The following UBR3 variants were observed in gnomAD, a reference collection of about 807,000 sequenced individuals.
UBR3 encodes ubiquitin protein ligase E3 component n-recognin 3, also known as E3 ubiquitin-protein ligase UBR3.
UBR3 carries 85 observed loss-of-function variants against 243.2 expected under a neutral mutation model. The ratio of observed to expected loss-of-function variants is 0.35; its 90% CI spans 0.29 to 0.42. The LOEUF is 0.42. Ranked by LOEUF, UBR3 falls within the 10% of genes least tolerant of loss-of-function variation. UBR3 has a pLI of 1.00. For missense variants in UBR3, 1,686 were observed against 2,300.8 expected (o/e 0.73, Z 5.47); for synonymous variants, 748 against 799.8 (o/e 0.94, Z 1.09).
chr2:170,012,672 GGT>G (rs1559186063), intron 29 of UBR3, among the ~76,000 whole-genome samples: 1 of 68,946 alleles, frequency 1.5e-5, no homozygotes, highest in African/African-American at 4.2e-5. Context: ...TGAAGATACT[GGT>G]TTTTTTTTTT....
intron 24 of UBR3, among the ~76,000 whole-genome samples, chr2:169,961,932 C>CCCTGT (rs1012573849): frequency 7.7e-5 from 11 of 142,362 alleles, no homozygotes; most frequent in African/African-American, 1.8e-4. Context: ...TCTGAATGAT[C>CCCTGT]CCTGTCTCCT....
intron 29 of UBR3, among the ~76,000 whole-genome samples, chr2:170,010,186 A>G (rs2090041690): frequency 6.6e-6 from 1 of 152,180 alleles, no homozygotes; most frequent in South Asian, 2.1e-4. Flanking sequence ...GAGAGTTACT[A>G]GTTACTACAT....
chr2:170,066,590 GA>G (rs2091572705), intron 35 of UBR3, among the ~76,000 whole-genome samples: 2 of 151,974 alleles, frequency 1.3e-5, no homozygotes, highest in Admixed American at 6.5e-5. Flanking sequence ...ATTTTCCCAT[GA>G]AAAAATAATG....
At chr2:169,892,059 A>G (rs1023418083) in intron 6 of UBR3, among the ~76,000 whole-genome samples, 7 of 152,204 alleles carry the variant, frequency 4.6e-5, no homozygotes, top group African/African-American at 1.2e-4. Flanking sequence ...ATCTTGTGAA[A>G]TATCTAGGAC....
At chr2:169,837,263 G>A (rs1257079306) in intron 1 of UBR3, among the ~76,000 whole-genome samples, 1 of 152,236 alleles carries the variant, frequency 6.6e-6, no homozygotes, top group Non-Finnish European at 1.5e-5. Flanking sequence ...AATCACCTGA[G>A]GTCGGGAGTT....
At chr2:170,005,199 G>A (rs1021210705) in intron 27 of UBR3, among the ~76,000 whole-genome samples, 4 of 152,210 alleles carry the variant, frequency 2.6e-5, no homozygotes, top group Non-Finnish European at 5.9e-5. Context: ...ACTCCAGTCT[G>A]GGCAATAGAG....
intron 1 of UBR3, among the ~76,000 whole-genome samples, chr2:169,846,541 C>T (rs1160772018): frequency 6.6e-6 from 1 of 152,076 alleles, no homozygotes. Context: ...GAAACTCCGT[C>T]TCTACTAAAA....
In UBR3 at chr2:169,840,513, C is replaced by T. The variant is rs188535214; in HGVS notation, c.545+12461C>T. Among the ~76,000 whole-genome samples, 3 of 152,280 alleles carry T rather than the reference C, an allele frequency of 2.0e-5. No individual in the cohort carries two copies. The East Asian group carries it at 5.8e-4, about 29-fold the overall frequency. On this transcript the variant is annotated intron_variant, in intron 1 of 38. Coordinates refer to ENST00000272793, the MANE Select transcript of UBR3 (RefSeq NM_172070.4). ...ATCAGGTACCCGTGGTTCTCCCAGG[C>T]TGGAGTTGCAGGTTGGTGACTATGT...
intron 25 of UBR3, among the ~76,000 whole-genome samples, chr2:169,990,755 G>T (rs1462277258): frequency 7.0e-6 from 1 of 142,634 alleles, no homozygotes. Context: ...ACACATAAAA[G>T]AAAAGAGAAG....
chr2:169,843,088 C>A (rs928675197), intron 1 of UBR3, among the ~76,000 whole-genome samples: 1 of 152,200 alleles, frequency 6.6e-6, no homozygotes, highest in Non-Finnish European at 1.5e-5. Flanking sequence ...CAAAACTACT[C>A]CAGCCTCTAC....
At position 169,854,844 on chromosome 2, in the gene UBR3, T is replaced by G. The variant is rs535595742; in HGVS notation, c.546-17392T>G. Among the ~76,000 whole-genome samples, 19 of 152,260 alleles carry G rather than the reference T, an allele frequency of 1.2e-4. 1 individual carries two copies. In the Middle Eastern group the frequency reaches 0.01, roughly 82 times the overall value. On this transcript the variant is annotated intron_variant, in intron 1 of 38. Transcript: ENST00000272793. ...AATAGAGAGTATTTAAGGGATTATG[T>G]GTTGAGATTAGGAAGAGGTTAAAAA...
intron 29 of UBR3, among the ~76,000 whole-genome samples, chr2:170,011,326 T>C (rs150340898): frequency 6.6e-6 from 1 of 152,162 alleles, no homozygotes; most frequent in Non-Finnish European, 1.5e-5. Flanking sequence ...GCATAACATA[T>C]AACATTCCTA....
At chr2:170,022,162 C>T (rs745316853) in intron 30 of UBR3, among the ~76,000 whole-genome samples, 46 of 152,130 alleles carry the variant, frequency 3.0e-4, no homozygotes, top group Middle Eastern at 3.2e-3. Flanking sequence ...ATCCCAAGCT[C>T]TGTCGGAAAG....
rs2091913003 is a variant in UBR3 at position 170,081,829 on chromosome 2, T to C, written c.5653T>C (p.Tyr1885His). The change falls in exon 39 of 39, where the codon TAC becomes CAC. Residue 1885 changes from tyrosine (Y) to histidine (H), a missense_variant. Physicochemically the swap from Tyr to His is moderately conservative, Grantham distance 83. This residue lies in a region of UBR3 where 89 missense variants were observed against 183.3 expected (regional missense o/e 0.49). Transcript: ENST00000272793. Reference protein sequence around the residue: ...DHINKRWGPHYNGL With the variant: ...DHINKRWGPHHNGL ...CATCAATAAAAGATGGGGTCCACAT[T>C]ACAATGGGCTGTGACTCTCCACCTC... is the stretch of plus-strand genomic sequence containing the variant. 6.3e-7 allele frequency: 1 copy of C among 1,599,362 alleles called. No individual in the cohort carries two copies. The highest frequency in any genetic ancestry group is 1.1e-5 in the South Asian group (1 of 88,872).
chr2:169,964,837 G>C (rs1416465515), intron 24 of UBR3: 1 of 456,538 alleles, frequency 2.2e-6, no homozygotes, highest in Non-Finnish European at 4.4e-6. Flanking sequence ...AGTAGCCAGG[G>C]CACAGGAAGA....
chr2:169,836,058 TATATATATA>T (rs1158266649), intron 1 of UBR3, among the ~76,000 whole-genome samples: 64 of 58,160 alleles, frequency 1.1e-3, no homozygotes, highest in East Asian at 2.2e-3. Flanking sequence ...TATATATATA[TATATATATA>T]TTTTTTTTTT....
At chr2:169,981,937 A>G (rs1209448599) in intron 24 of UBR3, among the ~76,000 whole-genome samples, 6 of 152,198 alleles carry the variant, frequency 3.9e-5, no homozygotes. Context: ...AAAATTAATG[A>G]TAGTGTGCAG....
At chr2:169,961,822 C>G (rs141872440) in intron 24 of UBR3, among the ~76,000 whole-genome samples, 1 of 150,198 alleles carries the variant, frequency 6.7e-6, no homozygotes, top group Non-Finnish European at 1.5e-5. Flanking sequence ...GCTCAATGAG[C>G]CTTTTCAGTC....
chr2:169,896,575 A>C lies in UBR3; in HGVS notation c.1305A>C (p.Glu435Asp). The C allele has an allele frequency of 6.4e-7, 1 of 1,550,654 alleles. No homozygotes were observed. The highest frequency in any genetic ancestry group is 1.2e-5 in the South Asian group (1 of 83,924). The change falls in exon 8 of 39, where the codon GAA (glutamate) becomes GAC (aspartate). Residue 435 changes from glutamate (E) to aspartate (D), a missense_variant. Physicochemically the swap from Glu to Asp is conservative, Grantham distance 45. Coordinates refer to ENST00000272793, the MANE Select transcript of UBR3 (RefSeq NM_172070.4). The stretch of plus-strand genomic sequence containing the variant: ...TGAAAACACTGAAGAAAAGTCATGA[A>C]TCAGACACAATGTCTAACAGAATTG... Reference protein sequence around the residue: ...FIMKTLKKSHESDTMSNRIVH... With the variant: ...FIMKTLKKSHDSDTMSNRIVH...
Sources: gnomAD v4.1 joint callset for allele counts (sites outside exome capture counted in the v4.1 genomes callset) on GRCh38, gnomAD v4.1.1 for gene constraint, gnomAD v4.1.1 regional missense constraint, MANE v1.5 for transcripts, NCBI Gene and HGNC (gene_info 2026-07-23, HGNC 2026-07-21) for gene names.